GLB1L3: variants seen among roughly 807,000 people sequenced by gnomAD.
The protein encoded by GLB1L3 is galactosidase beta 1 like 3, also known as beta-galactosidase-1-like protein 3.
GLB1L3 carries 89 observed loss-of-function variants against 89.5 expected under a neutral mutation model. The observed-to-expected ratio is 0.99, with a 90% CI of 0.84 to 1.19. The LOEUF (loss-of-function observed/expected upper bound fraction) is 1.19. GLB1L3 is among the 50% of genes most tolerant of loss of function. The pLI, the probability that GLB1L3 is intolerant of heterozygous loss-of-function variation, is 0.00. For missense variants in GLB1L3, 812 were observed against 813.3 expected, an observed-to-expected ratio of 1.00 and a Z score of 0.02; for synonymous variants, 314 against 312.3, an observed-to-expected ratio of 1.01 and a Z score of -0.06.
At chr11:134,293,104 T>A in intron 8 of GLB1L3, 41 bp from the exon 9 acceptor site, 1 of 1,576,454 alleles carries the variant, frequency 6.3e-7, no homozygotes, top group Non-Finnish European at 8.7e-7. Context: ...CTGACAGCAC[T>A]TGTCTCATGC....
At chr11:134,286,473 C>T (rs1305905396) in intron 6 of GLB1L3, among the ~76,000 whole-genome samples, 3 of 151,876 alleles carry the variant, frequency 2.0e-5, no homozygotes, top group African/African-American at 7.3e-5. Context: ...AGGAGTGAGC[C>T]TCAAAACCAG....
chr11:134,292,730 C>A, intron 8 of GLB1L3: 1 of 298,754 alleles, frequency 3.3e-6, no homozygotes, highest in African/African-American at 2.2e-5. Context: ...TAGTGAGGGA[C>A]ACGCCCGGGA....
intron 18 of GLB1L3, among the ~76,000 whole-genome samples, chr11:134,318,152 G>C (rs535222878): frequency 3.3e-5 from 5 of 152,206 alleles, no homozygotes; most frequent in African/African-American, 1.2e-4. Flanking sequence ...TTATGTGCTA[G>C]ACTGTTTTGT....
At chr11:134,304,811 A>G (rs182468142) in intron 9 of GLB1L3, among the ~76,000 whole-genome samples, 120 of 152,254 alleles carry the variant, frequency 7.9e-4, no homozygotes, top group Admixed American at 2.0e-3. Context: ...GACCTATGCT[A>G]TAGAAAGTTT....
chr11:134,292,177 G>A lies in GLB1L3; in HGVS notation c.775G>A (p.Gly259Ser). The change falls in exon 8 of 20, where the codon GGT becomes AGT. Residue 259 changes from glycine to serine, a missense_variant. Gly to Ser is a moderately conservative substitution (Grantham distance 56). Coordinates refer to ENST00000431683, the MANE Select transcript of GLB1L3 (RefSeq NM_001080407.3). ...TGTGGAGCTTCTCTTGACCTCTGAT[G>A]GTGAGAAACATGTGCTGAGTGGCCA... ...GIVELLLTSDGEKHVLSGHTK... is the reference protein window; with the variant it reads ...GIVELLLTSDSEKHVLSGHTK... 1 of 1,613,652 alleles carries A rather than the reference G, an allele frequency of 6.2e-7. No individual in the cohort carries two copies. Among genetic ancestry groups the A allele is most frequent in the Non-Finnish European group, 8.5e-7 (1 of 1,179,716 alleles).
rs1565414545 is a variant in GLB1L3 at position 134,308,568 on chromosome 11, CCACCAT to C, written c.962-1043_962-1038del. ...ATCACCATCACCATCACCACCACCA[CCACCAT>C]CACCATCACCATCATCACCATCACC... On this transcript the variant is annotated intron_variant, in intron 10 of 19. Transcript: ENST00000431683. 5.7e-3 allele frequency among the ~76,000 whole-genome samples: 785 copies of C among 138,414 alleles called. 43 individuals are homozygous for C. Among genetic ancestry groups the C allele is most frequent in the Admixed American group, 0.046 (604 of 13,188 alleles). The allele number at this position is 138,414 out of a possible 152,430, so 90.8% of individuals were successfully genotyped here.
chr11:134,305,024 A>G (rs1942126625), intron 9 of GLB1L3: 2 of 1,430,304 alleles, frequency 1.4e-6, no homozygotes, highest in Admixed American at 2.1e-5. Flanking sequence ...TCTTAGTGGC[A>G]TAATAACAAT....
intron 9 of GLB1L3, among the ~76,000 whole-genome samples, chr11:134,306,027 A>C (rs987815716): frequency 6.6e-6 from 1 of 152,176 alleles, no homozygotes; most frequent in South Asian, 2.1e-4. Context: ...GACAAAGAGC[A>C]TGGAGGAAAG....
At chr11:134,291,385 GA>G (rs2136143671) in intron 7 of GLB1L3, among the ~76,000 whole-genome samples, 1 of 151,180 alleles carries the variant, frequency 6.6e-6, no homozygotes, top group South Asian at 2.1e-4. Flanking sequence ...TCAGCCTCCC[GA>G]GTAGCTGGAA....
rs1397926206 is a variant in GLB1L3, at chr11:134,319,285, T to G, written c.*343T>G. ...ATATTTTTTGGGTTGCTGGAGTTCATCTATAAGTCATTTTTGAGGAATAAG... is the reference window on the plus strand; with the variant it reads ...ATATTTTTTGGGTTGCTGGAGTTCAGCTATAAGTCATTTTTGAGGAATAAG... On this transcript the variant is annotated 3_prime_UTR_variant, in exon 20 of 20. Transcript: ENST00000431683. The G allele has an allele frequency of 4.6e-6, 1 of 216,290 alleles. No individual in the cohort carries two copies. The highest frequency in any genetic ancestry group is 2.3e-5 in the African/African-American group (1 of 43,178). 13.4% of individuals were successfully genotyped at this position (216,290 alleles called of 1,614,324 possible).
Position 134,299,572 on chromosome 11 carries a change from G to T in GLB1L3, c.876+6363G>T, listed in dbSNP as rs561986985. On this transcript the variant is annotated intron_variant, in intron 9 of 19. Coordinates refer to ENST00000431683, the MANE Select transcript of GLB1L3 (RefSeq NM_001080407.3). ...GTGGTACCTTGTGTCAAGGGCAAGT[G>T]CTGGTTTGGCAGAGGTTGTTTTCTC... Among the ~76,000 whole-genome samples, 4 of 152,256 alleles carry T rather than the reference G, an allele frequency of 2.6e-5. No individual in the cohort carries two copies. In the East Asian group the frequency reaches 7.7e-4, roughly 29 times the overall value.
intron 14 of GLB1L3, 55 bp from the exon 15 acceptor site, chr11:134,312,761 C>A: frequency 6.9e-7 from 1 of 1,457,816 alleles, no homozygotes; most frequent in Non-Finnish European, 9.5e-7. Flanking sequence ...CGCGGCCTCT[C>A]TTCTCCCTTT....
At chr11:134,316,588 T>G (rs1190254233) in intron 18 of GLB1L3, among the ~76,000 whole-genome samples, 1 of 152,208 alleles carries the variant, frequency 6.6e-6, no homozygotes. Context: ...CTGTAGGTGC[T>G]TCTCTGAAGG....
intron 9 of GLB1L3, among the ~76,000 whole-genome samples, chr11:134,294,639 G>A (rs1426861279): frequency 6.6e-6 from 1 of 152,198 alleles, no homozygotes; most frequent in Admixed American, 6.5e-5. Context: ...GCTTATCACA[G>A]TTAATCCCGT....
intron 7 of GLB1L3, 175 bp downstream of exon 7, chr11:134,289,065 A>G (rs77340722): frequency 3.8e-6 from 2 of 524,994 alleles, no homozygotes; most frequent in Non-Finnish European, 3.4e-6. Context: ...ATTTGCGTAT[A>G]ACTTTTGACT....
chr11:134,284,635 A>G (rs1276172727), intron 6 of GLB1L3, among the ~76,000 whole-genome samples: 1 of 152,104 alleles, frequency 6.6e-6, no homozygotes, highest in Non-Finnish European at 1.5e-5. Context: ...TGGCTGAGAC[A>G]AGAGAATCAC....
At chr11:134,308,882 G>A (rs1942579101) in intron 10 of GLB1L3, among the ~76,000 whole-genome samples, 1 of 152,186 alleles carries the variant, frequency 6.6e-6, no homozygotes, top group South Asian at 2.1e-4. Context: ...ATAGTAACGA[G>A]CACAGCCAGA....
chr11:134,292,518 C>T (rs1144225), intron 8 of GLB1L3: 118,785 of 264,634 alleles, frequency 0.45, 27,551 homozygotes, highest in Non-Finnish European at 0.49. Context: ...TGCATTGGTG[C>T]TGCGCCTGGC....
chr11:134,276,499 G>T lies in GLB1L3; in HGVS notation c.-242G>T, dbSNP rs539628005. 5.3e-6 allele frequency: 2 copies of T among 376,044 alleles called. No homozygotes were observed. Among genetic ancestry groups the T allele is most frequent in the Admixed American group, 4.6e-5 (1 of 21,712 alleles). 23.3% of individuals were successfully genotyped at this position (376,044 alleles called of 1,614,324 possible). A position where few individuals can be genotyped will look rare whatever the true frequency, so the allele number is the denominator to read the frequency against. On this transcript the variant is annotated 5_prime_UTR_variant, in exon 1 of 20. Transcript: ENST00000431683. ...GCGTCCGCGCCCGGACGCACTGCGG[G>T]AACACCTGGAGCGCCGGCGGAGCTC...
Sources: gnomAD v4.1 joint callset for allele counts (sites outside exome capture counted in the v4.1 genomes callset) on GRCh38, gnomAD v4.1.1 for gene constraint, MANE v1.5 for transcripts, NCBI Gene and HGNC (gene_info 2026-07-23, HGNC 2026-07-21) for gene names.